The following OPRM1 variants were observed in gnomAD, a reference collection of about 807,000 sequenced individuals.
The protein encoded by OPRM1 is mu-type opioid receptor.
OPRM1 carries 27 observed loss-of-function variants against 31.8 expected under a neutral mutation model. That is an observed-to-expected ratio of 0.85 (90% CI 0.63 to 1.17). The LOEUF is 1.17. Among genes scored for constraint, OPRM1 ranks in the 50% most tolerant of loss-of-function variants. OPRM1 has a pLI of 0.00. For missense variants in OPRM1, 536 were observed against 511.1 expected, an observed-to-expected ratio of 1.05 and a Z score of -0.47; for synonymous variants, 196 against 189.9, an observed-to-expected ratio of 1.03 and a Z score of -0.26.
intron 1 of OPRM1, among the ~76,000 whole-genome samples, chr6:154,057,403 T>C (rs893004031): frequency 1.3e-5 from 2 of 152,200 alleles, no homozygotes; most frequent in African/African-American, 4.8e-5. Flanking sequence ...ATAACTGACT[T>C]TGTGTTCTTT....
intron 3 of OPRM1, among the ~76,000 whole-genome samples, chr6:154,198,402 C>A (rs1168119159): frequency 1.3e-5 from 2 of 152,162 alleles, no homozygotes; most frequent in Non-Finnish European, 2.9e-5. Context: ...GCTACTCATT[C>A]ACCTCTAGAA....
At chr6:154,023,132 G>T (rs1314739446) in intron 1 of OPRM1, among the ~76,000 whole-genome samples, 1 of 152,132 alleles carries the variant, frequency 6.6e-6, no homozygotes, top group South Asian at 2.1e-4. Flanking sequence ...TTTGTAGATT[G>T]ATGTCAGTAG....
intron 1 of OPRM1, among the ~76,000 whole-genome samples, chr6:154,069,102 C>G (rs1301569262): frequency 6.6e-6 from 1 of 152,122 alleles, no homozygotes; most frequent in Non-Finnish European, 1.5e-5. Context: ...TTTTGGATAT[C>G]AGCCCCTTAT....
chr6:154,061,559 G>A (rs1784423467), intron 1 of OPRM1, among the ~76,000 whole-genome samples: 2 of 152,202 alleles, frequency 1.3e-5, no homozygotes, highest in Admixed American at 1.3e-4. Flanking sequence ...CTGAGGCAAT[G>A]TATGCAGGAA....
intron 3 of OPRM1, among the ~76,000 whole-genome samples, chr6:154,144,748 C>CAAAAAAAAAAAAAAAAAAAAAAAAAAAA (rs58367883): frequency 1.4e-5 from 1 of 70,504 alleles, no homozygotes; most frequent in Non-Finnish European, 2.7e-5. Context: ...GACTCTGTCT[C>CAAAAAAAAAAAAAAAAAAAAAAAAAAAA]AAAAAAAAAA....
At chr6:154,100,649 T>A (rs1360403133) in intron 3 of OPRM1, among the ~76,000 whole-genome samples, 1 of 151,812 alleles carries the variant, frequency 6.6e-6, no homozygotes, top group Non-Finnish European at 1.5e-5. Flanking sequence ...TTTGTCTGTA[T>A]AAAGTGAAGT....
intron 1 of OPRM1, among the ~76,000 whole-genome samples, chr6:154,059,396 G>A (rs866073409): frequency 6.6e-6 from 1 of 152,042 alleles, no homozygotes; most frequent in African/African-American, 2.4e-5. Context: ...GTCCTCGACA[G>A]CATCATTACT....
intron 3 of OPRM1, among the ~76,000 whole-genome samples, chr6:154,150,515 G>T (rs758978720): frequency 4.6e-5 from 7 of 152,224 alleles, no homozygotes; most frequent in Non-Finnish European, 1.0e-4. Context: ...AGCCTAGCAA[G>T]GCCAGGCATT....
intron 3 of OPRM1, among the ~76,000 whole-genome samples, chr6:154,239,050 C>T (rs570750622): frequency 2.0e-5 from 3 of 152,050 alleles, no homozygotes; most frequent in African/African-American, 7.2e-5. Flanking sequence ...GAAGACTGTC[C>T]TCTAAAATAC....
chr6:154,073,080 A>T (rs751183618), intron 1 of OPRM1, among the ~76,000 whole-genome samples: 14 of 152,176 alleles, frequency 9.2e-5, no homozygotes, highest in Non-Finnish European at 2.1e-4. Context: ...CAAAGCAGAG[A>T]AATGGTGGAT....
At chr6:154,079,904 A>C (rs17174764) in intron 1 of OPRM1, among the ~76,000 whole-genome samples, 8 of 151,840 alleles carry the variant, frequency 5.3e-5, no homozygotes, top group Non-Finnish European at 5.9e-5. Flanking sequence ...TTGTTAGTTA[A>C]CTCCCTGCCA....
At chr6:154,190,744 C>T (rs886967302) in intron 3 of OPRM1, among the ~76,000 whole-genome samples, 17 of 152,192 alleles carry the variant, frequency 1.1e-4, no homozygotes, top group African/African-American at 2.4e-5. Flanking sequence ...ATTTTAAAAA[C>T]TTGGAAGCTA....
chr6:154,012,857 T>G (rs1777802449), intron 1 of OPRM1, among the ~76,000 whole-genome samples: 1 of 152,070 alleles, frequency 6.6e-6, no homozygotes, highest in Admixed American at 6.6e-5. Context: ...TGCTGTGTCT[T>G]CACATGACAT....
chr6:154,159,554 T>C (rs991339911), intron 3 of OPRM1: 1 of 456,936 alleles, frequency 2.2e-6, no homozygotes, highest in African/African-American at 2.0e-5. Context: ...ACATCCCCCC[T>C]AGAGCCCCAC....
At chr6:154,083,132 A>G (rs1401470279) in intron 1 of OPRM1, among the ~76,000 whole-genome samples, 1 of 152,224 alleles carries the variant, frequency 6.6e-6, no homozygotes, top group Non-Finnish European at 1.5e-5. Flanking sequence ...TCTCTTGGCT[A>G]TAATGGAAGT....
intron 3 of OPRM1, among the ~76,000 whole-genome samples, chr6:154,218,864 C>T (rs1209979704): frequency 6.6e-6 from 1 of 152,164 alleles, no homozygotes; most frequent in Non-Finnish European, 1.5e-5. Flanking sequence ...GTTCAAATTT[C>T]AATTTGCATC....
chr6:154,121,933 ATC>A lies in OPRM1; in HGVS notation c.*3217_*3218del, dbSNP rs2128527164. Among the ~76,000 whole-genome samples the A allele has an allele frequency of 6.6e-6, 1 of 152,340 alleles. No homozygotes were observed. The highest frequency in any genetic ancestry group is 6.5e-5 in the Admixed American group (1 of 15,296). On this transcript the variant is annotated 3_prime_UTR_variant, in exon 4 of 4. Coordinates refer to ENST00000330432, the MANE Select transcript of OPRM1 (RefSeq NM_000914.5). ...GTGGAAATGATAAGATGCGTACTGC[ATC>A]TCTCATATAATAAAGATAATCAGTT...
In OPRM1 at chr6:154,120,834, C is replaced by A. The variant is rs1398967845; in HGVS notation, c.*2113C>A. Among the ~76,000 whole-genome samples the A allele has an allele frequency of 1.3e-5, 2 of 152,134 alleles. No individual in the cohort carries two copies. The highest frequency in any genetic ancestry group is 2.4e-5 in the African/African-American group (1 of 41,440). ...AGAGCAACTTTGTCTTCAAGTAGGA[C>A]CTGATCTATCTTTTTCCACAAATGT... On this transcript the variant is annotated 3_prime_UTR_variant, in exon 4 of 4. Coordinates refer to ENST00000330432, the MANE Select transcript of OPRM1 (RefSeq NM_000914.5).
intron 1 of OPRM1, among the ~76,000 whole-genome samples, chr6:154,064,007 G>A (rs902616612): frequency 1.3e-5 from 2 of 151,956 alleles, no homozygotes; most frequent in Admixed American, 6.6e-5. Flanking sequence ...TGGGTATTTG[G>A]ATCATATGGT....
Sources: gnomAD v4.1 joint callset for allele counts (sites outside exome capture counted in the v4.1 genomes callset) on GRCh38, gnomAD v4.1.1 for gene constraint, MANE v1.5 for transcripts, NCBI Gene and HGNC (gene_info 2026-07-23, HGNC 2026-07-21) for gene names.